Variants in NOS1AP observed in about 807,000 individuals in gnomAD.
NOS1AP encodes carboxyl-terminal PDZ ligand of neuronal nitric oxide synthase protein.
Under a neutral mutation model 56.2 loss-of-function variants are expected in NOS1AP, and 21 were observed. That is an observed-to-expected ratio of 0.37 (90% CI 0.26 to 0.54). The LOEUF (loss-of-function observed/expected upper bound fraction) is 0.54. Among genes scored for constraint, NOS1AP ranks in the 20% least tolerant of loss-of-function variants. The pLI is 0.84. For missense variants in NOS1AP, 522 were observed against 657.8 expected (o/e 0.79, Z 2.26); for synonymous variants, 270 against 274.6 (o/e 0.98, Z 0.17).
chr1:162,161,435 A>C lies in NOS1AP; in HGVS notation c.177+6959A>C, dbSNP rs185523031. 9.2e-4 allele frequency among the ~76,000 whole-genome samples: 140 copies of C among 152,338 alleles called. 1 individual carries two copies. Among genetic ancestry groups the C allele is most frequent in the African/African-American group, 3.3e-3 (136 of 41,574 alleles). ...CTTCTGTTTACTAGCTAAATGACTGAACACATTTCTTAATCTATCAGTTGT... is the reference window on the plus strand; with the variant it reads ...CTTCTGTTTACTAGCTAAATGACTGCACACATTTCTTAATCTATCAGTTGT... On this transcript the variant is annotated intron_variant, in intron 2 of 9. Coordinates refer to ENST00000361897, the MANE Select transcript of NOS1AP (RefSeq NM_014697.3).
chr1:162,073,463 T>G (rs1691701771), intron 1 of NOS1AP, among the ~76,000 whole-genome samples: 1 of 152,136 alleles, frequency 6.6e-6, no homozygotes, highest in African/African-American at 2.4e-5. Context: ...ATTTATTTAT[T>G]TATTTATTTA....
chr1:162,364,801 G>T, intron 8 of NOS1AP: 1 of 987,626 alleles, frequency 1.0e-6, no homozygotes, highest in Non-Finnish European at 1.2e-6. Flanking sequence ...CTACAGAGTG[G>T]CTTGATGACA....
At chr1:162,266,507 C>T (rs1445860800) in intron 2 of NOS1AP, among the ~76,000 whole-genome samples, 1 of 152,154 alleles carries the variant, frequency 6.6e-6, no homozygotes, top group South Asian at 2.1e-4. Context: ...ACCTTTCAAT[C>T]TTTTGGATTA....
intron 2 of NOS1AP, among the ~76,000 whole-genome samples, chr1:162,252,887 A>G (rs1369746255): frequency 2.0e-5 from 3 of 152,156 alleles, no homozygotes; most frequent in Non-Finnish European, 4.4e-5. Flanking sequence ...CAGCTATTGT[A>G]TTGGATAGCA....
chr1:162,301,672 A>G (rs904600246), intron 4 of NOS1AP, among the ~76,000 whole-genome samples: 2 of 152,224 alleles, frequency 1.3e-5, no homozygotes, highest in Non-Finnish European at 2.9e-5. Flanking sequence ...AGCTCGAGTC[A>G]TGGGTGTCAT....
rs1371112388 is a variant in NOS1AP, at chr1:162,287,223, C to T, written c.178-121C>T. 4 of 718,782 alleles carry T rather than the reference C, an allele frequency of 5.6e-6. No individual in the cohort carries two copies. In the East Asian group the frequency reaches 1.0e-4, roughly 18 times the overall value. 44.5% of individuals were successfully genotyped at this position (718,782 alleles called of 1,614,324 possible). On this transcript the variant is annotated intron_variant, in intron 2 of 9. Coordinates refer to ENST00000361897, the MANE Select transcript of NOS1AP (RefSeq NM_014697.3). ...ACATCCCCCGAGGTGCTCCCTGCCC[C>T]CAGGAGCTATTCCCCACACCTGTCT...
At chr1:162,300,610 A>G (rs756194551) in intron 3 of NOS1AP, 23 bp from the exon 4 acceptor site, 2 of 1,603,928 alleles carry the variant, frequency 1.2e-6, no homozygotes, top group Non-Finnish European at 8.5e-7. Context: ...AACTGAGGAC[A>G]AGCCTAACTT....
At chr1:162,235,834 T>C (rs770595125) in intron 2 of NOS1AP, among the ~76,000 whole-genome samples, 2 of 152,214 alleles carry the variant, frequency 1.3e-5, no homozygotes, top group Non-Finnish European at 2.9e-5. Context: ...CTCACATACA[T>C]GCATCCATGT....
At chr1:162,133,591 T>C (rs1648850790) in intron 1 of NOS1AP, among the ~76,000 whole-genome samples, 1 of 152,246 alleles carries the variant, frequency 6.6e-6, no homozygotes, top group Non-Finnish European at 1.5e-5. Context: ...TTTTACATGA[T>C]AGATGAATCT....
At chr1:162,138,665 G>A (rs762872709) in intron 1 of NOS1AP, among the ~76,000 whole-genome samples, 3 of 152,094 alleles carry the variant, frequency 2.0e-5, no homozygotes, top group Non-Finnish European at 4.4e-5. Flanking sequence ...TTCAGCACCC[G>A]TTTCTTCCTT....
At chr1:162,282,806 C>A (rs1157935037) in intron 2 of NOS1AP, among the ~76,000 whole-genome samples, 2 of 152,354 alleles carry the variant, frequency 1.3e-5, no homozygotes, top group East Asian at 1.9e-4. Context: ...CAAGGACTTA[C>A]AGAGCCTGGC....
intron 4 of NOS1AP, among the ~76,000 whole-genome samples, chr1:162,327,379 TG>T (rs1184602519): frequency 6.6e-6 from 1 of 152,226 alleles, no homozygotes; most frequent in Non-Finnish European, 1.5e-5. Flanking sequence ...GGTCATCTTT[TG>T]CAAAATCATG....
chr1:162,074,966 T>C (rs1465323267), intron 1 of NOS1AP, among the ~76,000 whole-genome samples: 5 of 152,282 alleles, frequency 3.3e-5, no homozygotes, highest in East Asian at 1.9e-4. Context: ...CTGAGTTACA[T>C]AGGGTCACTT....
chr1:162,170,941 A>C (rs1250514393), intron 2 of NOS1AP, among the ~76,000 whole-genome samples: 5 of 87,296 alleles, frequency 5.7e-5, no homozygotes. Context: ...ACTCCATCTC[A>C]AAAAAAAAAA....
intron 1 of NOS1AP, among the ~76,000 whole-genome samples, chr1:162,098,410 A>G (rs1321952267): frequency 1.3e-5 from 2 of 151,938 alleles, no homozygotes; most frequent in African/African-American, 2.4e-5. Flanking sequence ...TCTGGCTGAT[A>G]GTTTCTTAAT....
chr1:162,107,186 A>G (rs1385192462), intron 1 of NOS1AP, among the ~76,000 whole-genome samples: 1 of 152,216 alleles, frequency 6.6e-6, no homozygotes, highest in Admixed American at 6.5e-5. Context: ...TTTCTTTGAT[A>G]TTTGCTTTCT....
intron 2 of NOS1AP, among the ~76,000 whole-genome samples, chr1:162,237,136 A>G (rs963248237): frequency 6.6e-6 from 1 of 152,198 alleles, no homozygotes; most frequent in African/African-American, 2.4e-5. Context: ...GGAACTCCCA[A>G]GTTAATCAAG....
chr1:162,084,766 C>T (rs1281894263), intron 1 of NOS1AP, among the ~76,000 whole-genome samples: 1 of 152,066 alleles, frequency 6.6e-6, no homozygotes, highest in Admixed American at 6.5e-5. Flanking sequence ...GATGAAGCCT[C>T]AACCTCCCAG....
intron 7 of NOS1AP, among the ~76,000 whole-genome samples, chr1:162,356,068 T>C (rs1460493350): frequency 2.6e-5 from 4 of 152,226 alleles, no homozygotes; most frequent in Non-Finnish European, 5.9e-5. Flanking sequence ...TCTTTAACAT[T>C]CATATCTTAT....
Sources: gnomAD v4.1 joint callset for allele counts (sites outside exome capture counted in the v4.1 genomes callset) on GRCh38, gnomAD v4.1.1 for gene constraint, MANE v1.5 for transcripts, NCBI Gene and HGNC (gene_info 2026-07-23, HGNC 2026-07-21) for gene names.